Variants in GAB4 observed in about 807,000 individuals in gnomAD.
The protein encoded by GAB4 is GRB2 associated binding protein family member 4.
GAB4 carries 26 observed loss-of-function variants against 51.3 expected under a neutral mutation model. The ratio of observed to expected loss-of-function variants is 0.51; its 90% confidence interval spans 0.37 to 0.70. The LOEUF is 0.70. GAB4 is among the 30% of genes least tolerant of loss of function. The probability of loss-of-function intolerance (pLI) is 0.00; values close to 1 mark genes in which losing one functional copy is unlikely to be tolerated. For synonymous variants in GAB4, 329 were observed against 291.2 expected (o/e 1.13, Z -1.32); for missense variants, 759 against 734.6 (o/e 1.03, Z -0.38).
intron 4 of GAB4, among the ~76,000 whole-genome samples, 173 bp from the exon 5 acceptor site, chr22:16,968,556 C>T (rs1296217739): frequency 6.6e-6 from 1 of 152,174 alleles, no homozygotes; most frequent in East Asian, 1.9e-4. Context: ...CACAACTCCT[C>T]CTGGGCTTCC....
At position 16,968,291 on chromosome 22, in the gene GAB4, T is replaced by C. The variant is rs759767864; in HGVS notation, c.1023+7A>G. On this transcript the variant is annotated splice_region_variant and intron_variant, in intron 5 of 9. Transcript: ENST00000400588. ...AGTCTGGGGACCCCTGGTTAAGCCATACTCACCAGGAAAGAACAGACTCCC... is the reference window on the plus strand; with the variant it reads ...AGTCTGGGGACCCCTGGTTAAGCCACACTCACCAGGAAAGAACAGACTCCC... 5.6e-6 allele frequency: 9 copies of C among 1,607,054 alleles called. No homozygotes were observed. The highest frequency in any genetic ancestry group is 1.6e-4 in the Middle Eastern group (1 of 6,076).
intron 3 of GAB4, among the ~76,000 whole-genome samples, chr22:16,976,289 T>C (rs1303796279): frequency 1.3e-5 from 2 of 152,174 alleles, no homozygotes; most frequent in African/African-American, 4.8e-5. Flanking sequence ...TTACAGGAAC[T>C]GCTAACTAGA....
intron 3 of GAB4, among the ~76,000 whole-genome samples, chr22:16,987,187 C>T (rs1041715685): frequency 6.6e-6 from 1 of 152,232 alleles, no homozygotes; most frequent in African/African-American, 2.4e-5. Flanking sequence ...TATTTCTAAA[C>T]TAACAAACCA....
At chr22:16,996,306 T>C (rs1176474485) in intron 1 of GAB4, among the ~76,000 whole-genome samples, 1 of 151,882 alleles carries the variant, frequency 6.6e-6, no homozygotes, top group Non-Finnish European at 1.5e-5. Context: ...TATGGGACTA[T>C]GTGAAAAGGT....
intron 1 of GAB4, among the ~76,000 whole-genome samples, chr22:16,995,530 G>A (rs927873856): frequency 6.6e-6 from 1 of 152,228 alleles, no homozygotes; most frequent in Admixed American, 6.5e-5. Context: ...ACATCTCCCA[G>A]CAGGGGTTGA....
chr22:16,968,387 C>A lies in GAB4; in HGVS notation c.938-4G>T. On this transcript the variant is annotated splice_region_variant and splice_polypyrimidine_tract_variant and intron_variant, in intron 4 of 9. Transcript: ENST00000400588. Reference sequence around the variant, plus strand: ...TGGGTGTACTTGCCGGAGGAAGCTACGACAGAGGAAGGAGATCCACATGCA... The same window carrying A: ...TGGGTGTACTTGCCGGAGGAAGCTAAGACAGAGGAAGGAGATCCACATGCA... 1 of 1,611,996 alleles carries A rather than the reference C, an allele frequency of 6.2e-7. No homozygotes were observed.
At chr22:17,006,731 T>A (rs1370301166) in intron 1 of GAB4, among the ~76,000 whole-genome samples, 1 of 152,162 alleles carries the variant, frequency 6.6e-6, no homozygotes, top group Non-Finnish European at 1.5e-5. Flanking sequence ...CTGGAAATCA[T>A]CATTCTCAGC....
Position 16,989,226 on chromosome 22 carries a change from A to G in GAB4, c.479-1059T>C, listed in dbSNP as rs947759354. ...AAAACTTCTTGTTCAAAAGAAATGA[A>G]GGTCTACAGGTGTAATTTCAAATGA... is the stretch of plus-strand genomic sequence containing the variant. On this transcript the variant is annotated intron_variant, in intron 2 of 9. Transcript: ENST00000400588. 9.2e-5 allele frequency among the ~76,000 whole-genome samples: 14 copies of G among 152,376 alleles called. 1 individual carries two copies. The highest frequency in any genetic ancestry group is 3.4e-4 in the African/African-American group (14 of 41,598).
chr22:16,994,756 C>A (rs1569108412), intron 1 of GAB4, among the ~76,000 whole-genome samples: 2 of 152,154 alleles, frequency 1.3e-5, no homozygotes, highest in South Asian at 4.1e-4. Context: ...TCATCTTTTA[C>A]AATCTGTATG....
At chr22:16,975,107 G>T (rs2060766009) in intron 3 of GAB4, among the ~76,000 whole-genome samples, 1 of 152,218 alleles carries the variant, frequency 6.6e-6, no homozygotes, top group Non-Finnish European at 1.5e-5. Context: ...CGAGCTAGCT[G>T]TAGGAGTTTT....
intron 2 of GAB4, among the ~76,000 whole-genome samples, chr22:16,990,298 AC>A (rs1454071914): frequency 6.6e-6 from 1 of 151,396 alleles, no homozygotes; most frequent in Non-Finnish European, 1.5e-5. Flanking sequence ...CTTTCTCATC[AC>A]CCCATACATT....
At chr22:16,997,590 T>G (rs2060960052) in intron 1 of GAB4, among the ~76,000 whole-genome samples, 1 of 152,264 alleles carries the variant, frequency 6.6e-6, no homozygotes, top group African/African-American at 2.4e-5. Context: ...TTCTGTAGGT[T>G]GCCTGTTCAC....
At chr22:16,974,425 G>A (rs2060759407) in intron 3 of GAB4, among the ~76,000 whole-genome samples, 1 of 152,228 alleles carries the variant, frequency 6.6e-6, no homozygotes, top group Admixed American at 6.5e-5. Context: ...AGACACTAAA[G>A]CACTAGTGTG....
chr22:17,007,838 C>A, intron 1 of GAB4, 103 bp downstream of exon 1: 2 of 1,123,964 alleles, frequency 1.8e-6, no homozygotes, highest in Admixed American at 2.9e-5. Context: ...GTCGCCTCCA[C>A]CCGCAGCTCC....
At position 16,964,839 on chromosome 22, in the gene GAB4, G is replaced by GAGGA. The variant is rs2060658887; in HGVS notation, c.1399_1402dup (p.Ser468PhefsTer49). The GAGGA allele has an allele frequency of 1.2e-6, 2 of 1,614,044 alleles. No homozygotes were observed. Among genetic ancestry groups the GAGGA allele is most frequent in the Non-Finnish European group, 1.7e-6 (2 of 1,179,952 alleles). On this transcript the variant is annotated frameshift_variant, in exon 8 of 10. Coordinates refer to ENST00000400588, the MANE Select transcript of GAB4 (RefSeq NM_001037814.1). LOFTEE classifies it high-confidence loss of function. ...GCTCTGCGTGGAGATGGGGTGTTGG[G>GAGGA]AGGAGCTGGAGTCAAAGGTGTGGCT... is the stretch of plus-strand genomic sequence containing the variant.
intron 2 of GAB4, among the ~76,000 whole-genome samples, chr22:16,990,996 AT>A (rs201571048): frequency 0.025 from 3,840 of 152,284 alleles, 83 homozygotes; most frequent in Middle Eastern, 0.048. Flanking sequence ...GGATTGTAAC[AT>A]TAAAAAAAAT....
chr22:16,975,564 G>A (rs779150654), intron 3 of GAB4, among the ~76,000 whole-genome samples: 1 of 152,214 alleles, frequency 6.6e-6, no homozygotes. Flanking sequence ...CTGGGGGAAG[G>A]GGCAGCTGTG....
chr22:16,966,024 T>G (rs5748766), intron 6 of GAB4, 76 bp downstream of exon 6: 196,574 of 1,393,260 alleles, frequency 0.14, 15,784 homozygotes, highest in East Asian at 0.38. Context: ...ACGTTCCACA[T>G]CCAGGATCCA....
intron 2 of GAB4, among the ~76,000 whole-genome samples, chr22:16,988,425 T>C (rs1012128506): frequency 2.0e-4 from 30 of 152,152 alleles, no homozygotes; most frequent in African/African-American, 6.8e-4. Flanking sequence ...CCAGACGGCG[T>C]GGTTCCCCAC....
Sources: gnomAD v4.1 joint callset for allele counts (sites outside exome capture counted in the v4.1 genomes callset) on GRCh38, gnomAD v4.1.1 for gene constraint, MANE v1.5 for transcripts, NCBI Gene and HGNC (gene_info 2026-07-23, HGNC 2026-07-21) for gene names.